Variants in MAGI1 observed in about 807,000 individuals in gnomAD.
MAGI1 encodes membrane-associated guanylate kinase, WW and PDZ domain-containing protein 1.
MAGI1 carries 58 observed loss-of-function variants against 139.9 expected under a neutral mutation model. That is an observed-to-expected ratio of 0.41 (90% CI 0.34 to 0.52). MAGI1 has a LOEUF of 0.52. Among genes scored for constraint, MAGI1 ranks in the 20% least tolerant of loss-of-function variants. The pLI is 0.12. For missense variants in MAGI1, 1,874 were observed against 1,901.6 expected (o/e 0.99, Z 0.27); for synonymous variants, 812 against 737.9 (o/e 1.10, Z -1.63).
At chr3:65,545,979 C>A (rs889780518) in intron 2 of MAGI1, among the ~76,000 whole-genome samples, 4 of 144,986 alleles carry the variant, frequency 2.8e-5, no homozygotes, top group African/African-American at 1.0e-4. Context: ...TGATCTCACA[C>A]ACACACACAC....
Position 65,356,872 on chromosome 3 carries a change from G to A in MAGI1, c.3895C>T (p.Arg1299Trp). ...PDSGACRPKD[R>W]APEGRRDAQA... ...GCGTCCCTCCGTCCCTCCGGCGCCC[G>A]GTCCTTGGGTCGGCATGCCCCGCTG... The change falls in exon 23 of 23, where the codon CGG (arginine) becomes TGG (tryptophan). Residue 1299 changes from arginine to tryptophan, a missense_variant. By Grantham distance (101) the Arg-to-Trp change is moderately radical. Around this residue, in one of 5 missense-constraint regions of MAGI1, gnomAD observed 653 missense variants for 644.5 expected, o/e 1.01. Coordinates refer to ENST00000402939, the MANE Select transcript of MAGI1 (RefSeq NM_001033057.2). The A allele has an allele frequency of 6.2e-7, 1 of 1,614,096 alleles. No homozygotes were observed. The highest frequency in any genetic ancestry group is 8.5e-7 in the Non-Finnish European group (1 of 1,179,954).
chr3:65,923,806 G>C (rs1384902953), intron 1 of MAGI1, among the ~76,000 whole-genome samples: 1 of 152,136 alleles, frequency 6.6e-6, no homozygotes, highest in Admixed American at 6.5e-5. Flanking sequence ...TTGGGCCTAA[G>C]GTACAGCTCT....
At chr3:65,357,169 G>A (rs373191710) in intron 22 of MAGI1, 37 bp from the exon 23 acceptor site, 1 of 1,566,016 alleles carries the variant, frequency 6.4e-7, no homozygotes, top group Non-Finnish European at 8.6e-7. Context: ...AGTTGGGTAC[G>A]AAGGTCCCTC....
chr3:65,462,259 G>A (rs1259388165), intron 5 of MAGI1, among the ~76,000 whole-genome samples: 1 of 152,158 alleles, frequency 6.6e-6, no homozygotes, highest in Non-Finnish European at 1.5e-5. Flanking sequence ...TAGGTCTTAT[G>A]TTTAAGTCTT....
At chr3:65,983,087 T>C (rs2065674118) in intron 1 of MAGI1, among the ~76,000 whole-genome samples, 1 of 152,062 alleles carries the variant, frequency 6.6e-6, no homozygotes, top group Non-Finnish European at 1.5e-5. Context: ...GCCCAGGTTA[T>C]TTTTGTTTTT....
intron 3 of MAGI1, among the ~76,000 whole-genome samples, chr3:65,487,850 C>G (rs144853993): frequency 2.0e-5 from 3 of 152,190 alleles, no homozygotes; most frequent in Non-Finnish European, 1.5e-5. Context: ...TCTTGTTGAG[C>G]AGGTCCTCAA....
At position 65,519,371 on chromosome 3, in the gene MAGI1, CACACACACACACACAT is replaced by C. The variant is rs1259833494; in HGVS notation, c.431-25756_431-25741del. ...ACACACACACACACACACACACACA[CACACACACACACACAT>C]ATATATAATTTTTTTTTGGATGGAG... On this transcript the variant is annotated intron_variant, in intron 2 of 22. Coordinates refer to ENST00000402939, the MANE Select transcript of MAGI1 (RefSeq NM_001033057.2). Among the ~76,000 whole-genome samples the C allele has an allele frequency of 2.4e-3, 200 of 82,730 alleles. 1 individual carries two copies. Among genetic ancestry groups the C allele is most frequent in the South Asian group, 0.018 (42 of 2,400 alleles). The allele number at this position is 82,730 out of a possible 152,430, so 54.3% of individuals were successfully genotyped here. A position where few individuals can be genotyped will look rare whatever the true frequency, so the allele number is the denominator to read the frequency against.
chr3:65,779,003 G>A (rs2038712439), intron 1 of MAGI1, among the ~76,000 whole-genome samples: 1 of 152,146 alleles, frequency 6.6e-6, no homozygotes, highest in African/African-American at 2.4e-5. Context: ...ACACAGAACA[G>A]CTGCCTGCTC....
rs1449639864 is a variant in MAGI1 at position 65,353,671 on chromosome 3, A to G, written c.*2707T>C. 2.6e-5 allele frequency: 4 copies of G among 152,186 alleles called. No homozygotes were observed. Among genetic ancestry groups the G allele is most frequent in the African/African-American group, 9.7e-5 (4 of 41,442 alleles). The allele number at this position is 152,186 out of a possible 1,614,324, so 9.4% of individuals were successfully genotyped here. A position where few individuals can be genotyped will look rare whatever the true frequency, so the allele number is the denominator to read the frequency against. On this transcript the variant is annotated 3_prime_UTR_variant, in exon 23 of 23. Coordinates refer to ENST00000402939, the MANE Select transcript of MAGI1 (RefSeq NM_001033057.2). ...CAGGCATCAACTGTGTAACGGAGGGAGACAAATTCCTAAATCGTTTGATTT... is the reference window on the plus strand; with the variant it reads ...CAGGCATCAACTGTGTAACGGAGGGGGACAAATTCCTAAATCGTTTGATTT...
At chr3:65,705,122 A>T (rs1305305004) in intron 1 of MAGI1, among the ~76,000 whole-genome samples, 1 of 152,090 alleles carries the variant, frequency 6.6e-6, no homozygotes, top group Non-Finnish European at 1.5e-5. Flanking sequence ...AAAAACTCTC[A>T]TTGTCATGGT....
chr3:65,510,436 A>C (rs1233296191), intron 2 of MAGI1, among the ~76,000 whole-genome samples: 1 of 148,166 alleles, frequency 6.7e-6, no homozygotes, highest in African/African-American at 2.5e-5. Context: ...TAACTAGAAT[A>C]ACCAATACAG....
At position 65,650,158 on chromosome 3, in the gene MAGI1, T is replaced by C. The variant is rs756355216; in HGVS notation, c.314-28070A>G. On this transcript the variant is annotated intron_variant, in intron 1 of 22. Transcript: ENST00000402939. Reference sequence around the variant, plus strand: ...GAGTCTGCATTGCACCTCATGCTCTTGCATAAATGCTCTGGTGCTCTTCCA... The same window carrying C: ...GAGTCTGCATTGCACCTCATGCTCTCGCATAAATGCTCTGGTGCTCTTCCA... Among the ~76,000 whole-genome samples the C allele has an allele frequency of 1.6e-4, 24 of 152,316 alleles. No homozygotes were observed. The East Asian group carries it at 3.7e-3, about 23-fold the overall frequency.
In MAGI1 at chr3:65,570,538, C is replaced by A. The variant is rs540900258; in HGVS notation, c.430+51434G>T. Among the ~76,000 whole-genome samples, 8 of 152,050 alleles carry A rather than the reference C, an allele frequency of 5.3e-5. No individual in the cohort carries two copies. In the South Asian group the frequency reaches 1.5e-3, roughly 28 times the overall value. ...AAAGAATGTCAAATATTAGGAATGC[C>A]ATTTATATTTAAGGCTTATAAATCA... is the stretch of plus-strand genomic sequence containing the variant. On this transcript the variant is annotated intron_variant, in intron 2 of 22. Transcript: ENST00000402939.
chr3:65,505,645 A>ATAATAC (rs2077253410), intron 2 of MAGI1, among the ~76,000 whole-genome samples: 1 of 149,132 alleles, frequency 6.7e-6, no homozygotes, highest in Non-Finnish European at 1.5e-5. Flanking sequence ...TAAAATAATA[A>ATAATAC]TAATAATAAT....
chr3:65,599,632 T>C (rs2082388698), intron 2 of MAGI1, among the ~76,000 whole-genome samples: 1 of 152,230 alleles, frequency 6.6e-6, no homozygotes, highest in African/African-American at 2.4e-5. Flanking sequence ...AAGTGCTTGG[T>C]ACAGTTCACC....
intron 2 of MAGI1, chr3:65,549,493 GCGCGTCTGAGCGGCC>G (rs1347255431): frequency 3.0e-6 from 3 of 985,158 alleles, no homozygotes; most frequent in Admixed American, 6.2e-5. Flanking sequence ...CCTCATCCCC[GCGCGTCTGAGCGGCC>G]CGGCGGCAGC....
intron 1 of MAGI1, chr3:65,954,437 T>A (rs892936444): frequency 6.6e-6 from 1 of 152,600 alleles, no homozygotes; most frequent in Non-Finnish European, 1.5e-5. Context: ...GTTAATTTTT[T>A]ACCTGGGTAG....
intron 12 of MAGI1, among the ~76,000 whole-genome samples, chr3:65,419,029 G>T (rs1225588751): frequency 6.6e-6 from 1 of 152,152 alleles, no homozygotes; most frequent in Non-Finnish European, 1.5e-5. Context: ...CTTTACTGGG[G>T]CCTCCTGCTC....
At chr3:65,580,699 C>G (rs1445339849) in intron 2 of MAGI1, among the ~76,000 whole-genome samples, 1 of 152,094 alleles carries the variant, frequency 6.6e-6, no homozygotes, top group African/African-American at 2.4e-5. Flanking sequence ...TGGCAGATAC[C>G]AATCTTGGGC....
Sources: allele counts gnomAD v4.1 joint callset (sites outside exome capture counted in the v4.1 genomes callset), GRCh38; gene constraint gnomAD v4.1.1; regional missense constraint gnomAD v4.1.1; transcripts MANE v1.5; gene names NCBI Gene and HGNC (gene_info 2026-07-23, HGNC 2026-07-21).